TRIM17: variants seen among roughly 807,000 people sequenced by gnomAD.
TRIM17 encodes the protein E3 ubiquitin-protein ligase TRIM17.
In TRIM17, 27 loss-of-function variants were observed where a neutral mutation model predicts 35.8. The observed-to-expected ratio is 0.75, with a 90% CI of 0.56 to 1.04. The LOEUF (loss-of-function observed/expected upper bound fraction) is 1.04. Among genes scored for constraint, TRIM17 ranks in the 50% least tolerant of loss-of-function variants. The probability of loss-of-function intolerance (pLI) is 0.00; values close to 1 mark genes in which losing one functional copy is unlikely to be tolerated. For synonymous variants in TRIM17, 246 were observed against 252.6 expected, an observed-to-expected ratio of 0.97 and a Z score of 0.25; for missense variants, 582 against 612.8, an observed-to-expected ratio of 0.95 and a Z score of 0.53.
At chr1:228,412,728 T>G (rs959280981) in intron 3 of TRIM17, among the ~76,000 whole-genome samples, 2 of 149,434 alleles carry the variant, frequency 1.3e-5, no homozygotes, top group Non-Finnish European at 3.0e-5. Context: ...TATGATTGCA[T>G]CACTGTGCTC....
Position 228,411,031 on chromosome 1 carries a change from C to G in TRIM17, c.671G>C (p.Cys224Ser). 6.2e-7 allele frequency: 1 copy of G among 1,613,284 alleles called. No homozygotes were observed. Among genetic ancestry groups the G allele is most frequent in the Non-Finnish European group, 8.5e-7 (1 of 1,179,840 alleles). Residue 224 changes from cysteine to serine, a missense_variant, in exon 4 of 7, where the codon TGC (cysteine) becomes TCC (serine). Physicochemically the swap from Cys to Ser is moderately radical, Grantham distance 112 (BLOSUM62 -1). Transcript: ENST00000366698. The surrounding 1 kb of genome is among the most constrained non-coding windows in gnomAD (Gnocchi z 4.2). ...TASRLRESVA[C>S]LDRQGHSLEL... The stretch of plus-strand genomic sequence containing the variant: ...CAGAGAGTGACCCTGCCGGTCCAGG[C>G]AGGCCACGCTCTCCCGGAGCCTGCT...
In TRIM17 at chr1:228,408,780, G is replaced by A; in HGVS notation, c.884-29C>T. 1 of 1,585,042 alleles carries A rather than the reference G, an allele frequency of 6.3e-7. No homozygotes were observed. The highest frequency in any genetic ancestry group is 8.5e-7 in the Non-Finnish European group (1 of 1,171,494). On this transcript the variant is annotated intron_variant, in intron 6 of 6. Coordinates refer to ENST00000366698, the MANE Select transcript of TRIM17 (RefSeq NM_016102.4). This position sits in a 1 kb window ranked among gnomAD's most constrained non-coding sequence, Gnocchi z 6.3. ...TAGATGGGCGTGGTGGTGGAGAGAT[G>A]GGGAGAGGTGTGGGGCATTCAGGGT...
Position 228,410,704 on chromosome 1 carries a change from C to A in TRIM17, c.756+242G>T, listed in dbSNP as rs114972848. Among the ~76,000 whole-genome samples, 1 of 152,070 alleles carries A rather than the reference C, an allele frequency of 6.6e-6. No homozygotes were observed. Among genetic ancestry groups the A allele is most frequent in the Non-Finnish European group, 1.5e-5 (1 of 68,018 alleles). On this transcript the variant is annotated intron_variant, in intron 4 of 6. Transcript: ENST00000366698. This position sits in a 1 kb window ranked among gnomAD's most constrained non-coding sequence, Gnocchi z 4.6. ...TACAAGGAGATGATTAGGACAGAGACGTGCATAGAGAGATGATGCCATGAG... is the reference window on the plus strand; with the variant it reads ...TACAAGGAGATGATTAGGACAGAGAAGTGCATAGAGAGATGATGCCATGAG...
chr1:228,413,545 T>C (rs1347281218), intron 3 of TRIM17, among the ~76,000 whole-genome samples: 2 of 152,226 alleles, frequency 1.3e-5, no homozygotes, highest in African/African-American at 4.8e-5. Context: ...TTGAGTCTGA[T>C]TTTTGAGGCC....
rs1656610428 is a variant in TRIM17, at chr1:228,408,870, C to A, written c.884-119G>T. On this transcript the variant is annotated intron_variant, in intron 6 of 6. Transcript: ENST00000366698. The surrounding 1 kb of genome is among the most constrained non-coding windows in gnomAD (Gnocchi z 6.3). Reference sequence around the variant, plus strand: ...CAATGGTCCCCTAACTCCGCAGAGGCCTCCCCTGCTGTGAATCTGGGGTTA... The same window carrying A: ...CAATGGTCCCCTAACTCCGCAGAGGACTCCCCTGCTGTGAATCTGGGGTTA... 27 of 1,486,480 alleles carry A rather than the reference C, an allele frequency of 1.8e-5. No individual in the cohort carries two copies. Among genetic ancestry groups the A allele is most frequent in the Non-Finnish European group, 1.8e-6 (2 of 1,119,282 alleles). The allele number at this position is 1,486,480 out of a possible 1,614,324, so 92.1% of individuals were successfully genotyped here.
chr1:228,413,901 C>G lies in TRIM17; in HGVS notation c.430-9G>C, dbSNP rs1449905913. The G allele has an allele frequency of 6.2e-7, 1 of 1,612,216 alleles. No homozygotes were observed. Among genetic ancestry groups the G allele is most frequent in the Non-Finnish European group, 8.5e-7 (1 of 1,178,210 alleles). ...TCCTCCTCCAGCTTCAACTGTGGGACACACAAACCGCAGGATTTGGGATCA... is the reference window on the plus strand; with the variant it reads ...TCCTCCTCCAGCTTCAACTGTGGGAGACACAAACCGCAGGATTTGGGATCA... On this transcript the variant is annotated splice_polypyrimidine_tract_variant and intron_variant, in intron 2 of 6. Transcript: ENST00000366698.
In TRIM17 at chr1:228,408,256, G is replaced by A; in HGVS notation, c.1379C>T (p.Ala460Val). 1 of 1,573,502 alleles carries A rather than the reference G, an allele frequency of 6.4e-7. No individual in the cohort carries two copies. Among genetic ancestry groups the A allele is most frequent in the African/African-American group, 1.4e-5 (1 of 73,886 alleles). The part of the protein sequence containing the change: ...GPLQPFFCLG[A>V]PKSGQMVIST... ...GATGACCATCTGACCAGACTTCGGAGCCCCCAGGCAGAAGAAAGGCTGCAG... is the reference window on the plus strand; with the variant it reads ...GATGACCATCTGACCAGACTTCGGAACCCCCAGGCAGAAGAAAGGCTGCAG... Residue 460 changes from alanine (A) to valine (V), a missense_variant, in exon 7 of 7, where the codon GCT (alanine) becomes GTT (valine). By Grantham distance (64) the Ala-to-Val change is moderately conservative. Transcript: ENST00000366698. This position sits in a 1 kb window ranked among gnomAD's most constrained non-coding sequence, Gnocchi z 6.3.
chr1:228,410,050 T>C lies in TRIM17; in HGVS notation c.757-639A>G, dbSNP rs190968590. On this transcript the variant is annotated intron_variant, in intron 4 of 6. Coordinates refer to ENST00000366698, the MANE Select transcript of TRIM17 (RefSeq NM_016102.4). The surrounding 1 kb of genome is among the most constrained non-coding windows in gnomAD (Gnocchi z 4.6). ...CTGCAGGGGCTTTTCCCTCAGTTGG[T>C]CAGCAAACCAATGTAGTGGGTTGTG... 4.5e-4 allele frequency among the ~76,000 whole-genome samples: 68 copies of C among 151,982 alleles called. No homozygotes were observed. The highest frequency in any genetic ancestry group is 1.6e-3 in the African/African-American group (67 of 41,452).
At chr1:228,416,397 C>A in intron 1 of TRIM17, 142 bp downstream of exon 1, 1 of 985,890 alleles carries the variant, frequency 1.0e-6, no homozygotes, top group East Asian at 1.1e-4. Flanking sequence ...CTTGTTGAAG[C>A]GCGCTAGCCC....
At chr1:228,412,784 A>AT (rs1656855876) in intron 3 of TRIM17, among the ~76,000 whole-genome samples, 2 of 152,070 alleles carry the variant, frequency 1.3e-5, no homozygotes, top group Admixed American at 6.6e-5. Flanking sequence ...AAAACAAAAA[A>AT]TAACAACAAA....
intron 3 of TRIM17, 49 bp downstream of exon 3, chr1:228,413,748 G>A (rs1656917655): frequency 6.8e-6 from 10 of 1,481,160 alleles, no homozygotes; most frequent in Non-Finnish European, 9.4e-6. Flanking sequence ...GGAAATGCAG[G>A]AAGATGGAGC....
intron 1 of TRIM17, 85 bp from the exon 2 acceptor site, chr1:228,415,198 G>T: frequency 9.0e-7 from 1 of 1,115,112 alleles, no homozygotes; most frequent in Non-Finnish European, 1.2e-6. Flanking sequence ...TACAGAGGAG[G>T]GCTAGGACTG....
At position 228,413,883 on chromosome 1, in the gene TRIM17, C is replaced by G. The variant is rs1274160370; in HGVS notation, c.439G>C (p.Glu147Gln). 1 of 1,613,856 alleles carries G rather than the reference C, an allele frequency of 6.2e-7. No homozygotes were observed. Among genetic ancestry groups the G allele is most frequent in the African/African-American group, 1.3e-5 (1 of 74,928 alleles). Residue 147 changes from glutamate to glutamine, a missense_variant, in exon 3 of 7, where the codon GAG (glutamate) becomes CAG (glutamine). Physicochemically the swap from Glu to Gln is conservative, Grantham distance 29. Coordinates refer to ENST00000366698, the MANE Select transcript of TRIM17 (RefSeq NM_016102.4). ...EAVQGYKLKL[E>Q]EDMEYLREQI... ...TCCCGAAGGTACTCCATGTCCTCCT[C>G]CAGCTTCAACTGTGGGACACACAAA...
At chr1:228,413,712 A>G (rs779228736) in intron 3 of TRIM17, 85 bp downstream of exon 3, 247 of 1,141,968 alleles carry the variant, frequency 2.2e-4, no homozygotes, top group Non-Finnish European at 3.0e-4. Flanking sequence ...CTGCGGCAGC[A>G]TATCCCCACG....
intron 1 of TRIM17, chr1:228,415,898 C>G (rs1558460589): frequency 6.6e-6 from 1 of 152,394 alleles, no homozygotes; most frequent in Non-Finnish European, 1.5e-5. Flanking sequence ...CACACAGGCA[C>G]AGATGCACAT....
intron 3 of TRIM17, 22 bp downstream of exon 3, chr1:228,413,775 C>A: frequency 6.3e-7 from 1 of 1,597,772 alleles, no homozygotes; most frequent in Non-Finnish European, 8.6e-7. Flanking sequence ...AGGAAAGGGA[C>A]TGGACAGCCC....
chr1:228,409,297 GAGTCTTATTGACTCCCCTGGCCCGAC>G, intron 5 of TRIM17, 22 bp from the exon 6 acceptor site: 1 of 1,612,254 alleles, frequency 6.2e-7, no homozygotes, highest in South Asian at 1.1e-5. Context: ...ACACACAGGG[GAGTCTTATTGACTCCCCTGGCCCGAC>G]AGTCTTATTG....
At chr1:228,416,364 C>T (rs781124092) in intron 1 of TRIM17, 175 bp downstream of exon 1, 1 of 985,540 alleles carries the variant, frequency 1.0e-6, no homozygotes, top group Non-Finnish European at 1.2e-6. Context: ...CGCTCTGGTC[C>T]GCTAGGGTCC....
chr1:228,408,336 A>G lies in TRIM17; in HGVS notation c.1299T>C (p.Ser433=), dbSNP rs149011573. The G allele has an allele frequency of 6.1e-5, 98 of 1,613,916 alleles. No individual in the cohort carries two copies. In the African/African-American group the frequency reaches 1.3e-3, roughly 21 times the overall value. ...DFEAGEVSFY[S]VSDGSHLHTY... ...TGTGCAGGTGGGACCCATCGCTTAC[A>G]CTGTAGAAGGACACTTCCCCGGCTT... is the stretch of plus-strand genomic sequence containing the variant. The change falls in exon 7 of 7, where the codon AGT becomes AGC. Residue 433 remains serine (S), a synonymous_variant. Transcript: ENST00000366698. This position sits in a 1 kb window ranked among gnomAD's most constrained non-coding sequence, Gnocchi z 6.3.
Sources: gnomAD v4.1 joint callset for allele counts (sites outside exome capture counted in the v4.1 genomes callset) on GRCh38, gnomAD v4.1.1 for gene constraint, Gnocchi (gnomAD v3.1) non-coding constraint, MANE v1.5 for transcripts, NCBI Gene and HGNC (gene_info 2026-07-23, HGNC 2026-07-21) for gene names.